CERS6: variants seen among roughly 807,000 people sequenced by gnomAD.
CERS6 encodes ceramide synthase 6.
CERS6 carries 26 observed loss-of-function variants against 56.8 expected under a neutral mutation model. The ratio of observed to expected loss-of-function variants is 0.46; its 90% CI spans 0.34 to 0.63. CERS6 has a LOEUF of 0.63. CERS6 is among the 30% of genes least tolerant of loss of function. The pLI is 0.01. For synonymous variants in CERS6, 164 were observed against 173.3 expected, an observed-to-expected ratio of 0.95 and a Z score of 0.42; for missense variants, 415 against 467.5, an observed-to-expected ratio of 0.89 and a Z score of 1.04.
intron 8 of CERS6, among the ~76,000 whole-genome samples, chr2:168,749,716 T>C (rs552459286): frequency 1.7e-3 from 158 of 91,832 alleles, no homozygotes; most frequent in Non-Finnish European, 3.1e-3. Flanking sequence ...AGAGTTGGCT[T>C]TCTGGAAACT....
chr2:168,691,970 C>T (rs540654038), intron 5 of CERS6, among the ~76,000 whole-genome samples: 4 of 152,244 alleles, frequency 2.6e-5, no homozygotes, highest in Non-Finnish European at 4.4e-5. Flanking sequence ...CTATGGGGAG[C>T]AGGCTTGCCC....
chr2:168,669,252 G>A (rs1175871627), intron 4 of CERS6, among the ~76,000 whole-genome samples: 1 of 152,130 alleles, frequency 6.6e-6, no homozygotes, highest in Non-Finnish European at 1.5e-5. Flanking sequence ...ACTCCAGCCA[G>A]CACATCAATG....
Position 168,544,180 on chromosome 2 carries a change from A to G in CERS6, c.171-3416A>G, listed in dbSNP as rs555315025. On this transcript the variant is annotated intron_variant, in intron 1 of 9. Transcript: ENST00000305747. ...CAACATTTAAATTGAGTTAAATTCT[A>G]TTAAGTTTGTCTGTTATTCTTCTCT... 6.6e-5 allele frequency among the ~76,000 whole-genome samples: 10 copies of G among 152,162 alleles called. 1 individual carries two copies. Among genetic ancestry groups the G allele is most frequent in the Non-Finnish European group, 7.4e-5 (5 of 68,026 alleles).
At chr2:168,500,348 G>A (rs1421672428) in intron 1 of CERS6, among the ~76,000 whole-genome samples, 3 of 152,164 alleles carry the variant, frequency 2.0e-5, no homozygotes, top group African/African-American at 7.2e-5. Context: ...GGTCATATTT[G>A]GCTGTGCAAG....
rs1178673346 is a variant in CERS6, at chr2:168,631,077, T to G, written c.465+35T>G. The G allele has an allele frequency of 3.7e-6, 4 of 1,081,060 alleles. No homozygotes were observed. In the African/African-American group the frequency reaches 7.1e-5, roughly 19 times the overall value. 67.0% of individuals were successfully genotyped at this position (1,081,060 alleles called of 1,614,324 possible). A position where few individuals can be genotyped will look rare whatever the true frequency, so the allele number is the denominator to read the frequency against. On this transcript the variant is annotated intron_variant, in intron 4 of 9. Coordinates refer to ENST00000305747, the MANE Select transcript of CERS6 (RefSeq NM_203463.3). ...CTCAAACTATTTTACATGATTCTTA[T>G]GTAAGTGTATGTCTATATCCTGGTT...
chr2:168,741,794 A>G (rs531585216), intron 8 of CERS6, among the ~76,000 whole-genome samples: 14 of 152,316 alleles, frequency 9.2e-5, no homozygotes, highest in Non-Finnish European at 1.3e-4. Context: ...CATAAATGTT[A>G]CTGTCCACAT....
At chr2:168,764,905 C>T (rs549157790) in intron 8 of CERS6, among the ~76,000 whole-genome samples, 6 of 152,112 alleles carry the variant, frequency 3.9e-5, no homozygotes, top group African/African-American at 9.7e-5. Context: ...ATACTCAGAG[C>T]GATATTTGTG....
intron 3 of CERS6, among the ~76,000 whole-genome samples, chr2:168,614,555 T>G (rs1684269778): frequency 6.6e-6 from 1 of 152,152 alleles, no homozygotes; most frequent in Admixed American, 6.5e-5. Flanking sequence ...GACAGTGGCC[T>G]TTTGGGTTGT....
rs1293581979 is a variant in CERS6, at chr2:168,632,619, C to T, written c.465+1577C>T. Among the ~76,000 whole-genome samples, 6 of 152,114 alleles carry T rather than the reference C, an allele frequency of 3.9e-5. 1 individual carries two copies. Among genetic ancestry groups the T allele is most frequent in the South Asian group, 4.1e-4 (2 of 4,826 alleles). On this transcript the variant is annotated intron_variant, in intron 4 of 9. Coordinates refer to ENST00000305747, the MANE Select transcript of CERS6 (RefSeq NM_203463.3). ...CTGGAGTAAATAAACATGGTTTAAA[C>T]GGCTTATTTTGGAATTCTGTTCTAG...
At position 168,662,785 on chromosome 2, in the gene CERS6, G is replaced by A. The variant is rs1033424606; in HGVS notation, c.466-28249G>A. Among the ~76,000 whole-genome samples, 8 of 152,294 alleles carry A rather than the reference G, an allele frequency of 5.3e-5. No individual in the cohort carries two copies. In the East Asian group the frequency reaches 1.5e-3, roughly 29 times the overall value. On this transcript the variant is annotated intron_variant, in intron 4 of 9. Transcript: ENST00000305747. ...AGAAAGCTAGACCCAGAGAGCTGGG[G>A]TCCAGCAGCCTAGCTTCCCACAGCG...
At chr2:168,575,358 A>G (rs1393868721) in intron 3 of CERS6, among the ~76,000 whole-genome samples, 3 of 152,112 alleles carry the variant, frequency 2.0e-5, no homozygotes, top group Admixed American at 1.3e-4. Context: ...ACTTACAATC[A>G]TGGCAGAAGG....
At chr2:168,551,844 T>C (rs770814446) in intron 2 of CERS6, among the ~76,000 whole-genome samples, 1 of 152,244 alleles carries the variant, frequency 6.6e-6, no homozygotes, top group Non-Finnish European at 1.5e-5. Context: ...CTCGTGTTTC[T>C]TAACTGGTTA....
At chr2:168,572,070 A>G (rs16855518) in intron 3 of CERS6, among the ~76,000 whole-genome samples, 1,837 of 152,306 alleles carry the variant, frequency 0.012, 29 homozygotes, top group African/African-American at 0.04. Flanking sequence ...TTGGTACACC[A>G]TGACACACAG....
intron 8 of CERS6, among the ~76,000 whole-genome samples, chr2:168,719,259 G>A (rs1343760208): frequency 6.6e-6 from 1 of 152,148 alleles, no homozygotes; most frequent in African/African-American, 2.4e-5. Context: ...ATGGGGTGGG[G>A]GAGGCCAGAG....
chr2:168,654,579 A>G (rs995602461), intron 4 of CERS6, among the ~76,000 whole-genome samples: 7 of 152,116 alleles, frequency 4.6e-5, no homozygotes, highest in African/African-American at 7.3e-5. Flanking sequence ...CCAAAAATGT[A>G]TACTGTAATT....
intron 1 of CERS6, among the ~76,000 whole-genome samples, chr2:168,514,603 A>C (rs1485003032): frequency 6.6e-6 from 1 of 152,192 alleles, no homozygotes; most frequent in African/African-American, 2.4e-5. Flanking sequence ...TTGCTTGCCA[A>C]ATGTGCTCCT....
chr2:168,673,012 T>C (rs2105341294), intron 4 of CERS6, among the ~76,000 whole-genome samples: 1 of 152,344 alleles, frequency 6.6e-6, no homozygotes, highest in East Asian at 1.9e-4. Flanking sequence ...ATGTGCTGTT[T>C]ATTTGAAGGA....
intron 4 of CERS6, among the ~76,000 whole-genome samples, chr2:168,660,984 G>C (rs888170577): frequency 6.6e-6 from 1 of 151,912 alleles, no homozygotes; most frequent in Non-Finnish European, 1.5e-5. Context: ...AAAGAAGTGT[G>C]CATTTTATGT....
intron 3 of CERS6, among the ~76,000 whole-genome samples, chr2:168,571,056 A>G (rs866179169): frequency 6.6e-6 from 1 of 152,166 alleles, no homozygotes; most frequent in Middle Eastern, 3.2e-3. Context: ...GGCTCCAGTT[A>G]TGGGTTATTC....
Sources: gnomAD v4.1 joint callset for allele counts (sites outside exome capture counted in the v4.1 genomes callset) on GRCh38, gnomAD v4.1.1 for gene constraint, MANE v1.5 for transcripts, NCBI Gene and HGNC (gene_info 2026-07-23, HGNC 2026-07-21) for gene names.